Variants in MALAT1 observed in about 807,000 individuals in gnomAD.
The protein encoded by MALAT1 is metastasis associated lung adenocarcinoma transcript 1.
chr11:65,505,264 C>T (rs534538718), intron 3 of MALAT1: 12 of 518,376 alleles, frequency 2.3e-5, no homozygotes, highest in South Asian at 1.3e-4. Context: ...GACAACAAAG[C>T]GCTATTATCC....
exon 3 of MALAT1, chr11:65,502,402 C>G (rs762377120): frequency 7.9e-6 from 4 of 506,210 alleles, no homozygotes; most frequent in South Asian, 2.9e-5. Flanking sequence ...AAGTAAGATT[C>G]TATTTTCAGT....
chr11:65,506,373 T>C (rs762354766), exon 4 of MALAT1: 3 of 439,462 alleles, frequency 6.8e-6, no homozygotes, highest in Admixed American at 5.6e-5. Context: ...TATAACTGCC[T>C]TGTCTTTTTC....
intron 3 of MALAT1, chr11:65,504,623 G>T: frequency 1.9e-6 from 1 of 518,938 alleles, no homozygotes; most frequent in Middle Eastern, 3.2e-4. Context: ...CATTTCTGGT[G>T]GTGGGAGGGG....
At chr11:65,505,781 C>G (rs747391217) in intron 3 of MALAT1, 4 of 516,230 alleles carry the variant, frequency 7.7e-6, no homozygotes, top group South Asian at 4.2e-5. Context: ...TATTATAATA[C>G]TTATCCAGTG....
chr11:65,500,945 T>C (rs1854532342), exon 3 of MALAT1: 1 of 512,118 alleles, frequency 2.0e-6, no homozygotes, highest in African/African-American at 2.0e-5. Context: ...TCATGAATCT[T>C]GTCTGAAGCT....
chr11:65,500,837 A>G (rs1324472696), exon 3 of MALAT1: 4 of 518,860 alleles, frequency 7.7e-6, no homozygotes, highest in Non-Finnish European at 1.5e-5. Flanking sequence ...TTATTTTCTA[A>G]TATAATGGGG....
At chr11:65,504,406 C>T (rs1268398976) in intron 3 of MALAT1, 3 of 518,532 alleles carry the variant, frequency 5.8e-6, no homozygotes, top group African/African-American at 1.9e-5. Flanking sequence ...TCTGATCCCG[C>T]TGCTATTAGA....
exon 3 of MALAT1, chr11:65,499,376 C>A: frequency 2.0e-6 from 1 of 490,720 alleles, no homozygotes; most frequent in Non-Finnish European, 4.1e-6. Flanking sequence ...ACTACAGAGC[C>A]CCGAATTAAT....
At chr11:65,505,959 TAAC>T (rs758623802) in intron 3 of MALAT1, 6 of 444,248 alleles carry the variant, frequency 1.4e-5, no homozygotes, top group Non-Finnish European at 1.7e-5. Context: ...CAGGTGAACA[TAAC>T]AGACTTGGCC....
chr11:65,500,046 TG>T (rs564769472), exon 3 of MALAT1: 4 of 434,564 alleles, frequency 9.2e-6, no homozygotes, highest in Non-Finnish European at 1.8e-5. Flanking sequence ...TAATTTCTGG[TG>T]GTGCAGAAGT....
exon 3 of MALAT1, chr11:65,500,016 A>G (rs973471352): frequency 7.0e-6 from 3 of 427,358 alleles, no homozygotes; most frequent in Non-Finnish European, 1.4e-5. Context: ...TAACCAATTT[A>G]TTTTAAAAGC....
At chr11:65,497,986 G>C (rs999573095) in intron 1 of MALAT1, 5 of 518,838 alleles carry the variant, frequency 9.6e-6, no homozygotes, top group African/African-American at 5.8e-5. Context: ...GTGGTATTTA[G>C]ATAAAACCAC....
exon 3 of MALAT1, chr11:65,499,602 G>C: frequency 4.4e-6 from 2 of 451,806 alleles, no homozygotes; most frequent in South Asian, 3.2e-5. Flanking sequence ...GACGAAAATG[G>C]AAAGATTAAT....
At chr11:65,505,257 A>G (rs753324393) in intron 3 of MALAT1, 6 of 518,388 alleles carry the variant, frequency 1.2e-5, no homozygotes, top group African/African-American at 3.9e-5. Context: ...CAGGAGAGAC[A>G]ACAAAGCGCT....
exon 3 of MALAT1, chr11:65,502,996 G>A (rs769679216): frequency 8.0e-6 from 4 of 498,960 alleles, no homozygotes; most frequent in Admixed American, 2.1e-5. Context: ...AAAGCGAAAA[G>A]AAATGAAAAT....
chr11:65,504,865 C>T (rs1854644467), intron 3 of MALAT1: 1 of 518,614 alleles, frequency 1.9e-6, no homozygotes, highest in African/African-American at 1.9e-5. Context: ...AGAAGCCAGA[C>T]CCAGTAAGAA....
At chr11:65,499,952 A>G in exon 3 of MALAT1, 1 of 431,952 alleles carries the variant, frequency 2.3e-6, no homozygotes, top group Non-Finnish European at 4.5e-6. Context: ...AGATAGAAAA[A>G]TATAAAGCCA....
At chr11:65,498,589 T>G (rs1041634314) in intron 1 of MALAT1, 6 of 518,812 alleles carry the variant, frequency 1.2e-5, no homozygotes, top group Non-Finnish European at 2.3e-5. Context: ...TCCGCCATTT[T>G]GCCACTTCTC....
chr11:65,503,957 A>G (rs1432887998), intron 3 of MALAT1: 1 of 515,814 alleles, frequency 1.9e-6, no homozygotes, highest in Non-Finnish European at 3.9e-6. Flanking sequence ...ATTTCCAGAA[A>G]GTCAGGGGTC....
Sources: gnomAD v4.1 joint callset for allele counts on GRCh38, gnomAD v4.1.1 for gene constraint, MANE v1.5 for transcripts, NCBI Gene and HGNC (gene_info 2026-07-23, HGNC 2026-07-21) for gene names.